PLXNC1: variants seen among roughly 807,000 people sequenced by gnomAD.
The protein encoded by PLXNC1 is plexin-C1.
In PLXNC1, 75 loss-of-function variants were observed where a neutral mutation model predicts 178.2. The ratio of observed to expected loss-of-function variants is 0.42; its 90% CI spans 0.35 to 0.51. PLXNC1 has a LOEUF of 0.51. PLXNC1 is among the 20% of genes least tolerant of loss of function. The pLI is 0.02. For missense variants in PLXNC1, 1,503 were observed against 1,984.4 expected (o/e 0.76, Z 4.61); for synonymous variants, 790 against 779.9 (o/e 1.01, Z -0.22).
chr12:94,297,764 T>G (rs1188105022), intron 26 of PLXNC1, among the ~76,000 whole-genome samples: 1 of 152,222 alleles, frequency 6.6e-6, no homozygotes, highest in East Asian at 1.9e-4. Context: ...GCAATAAAAC[T>G]CCCTTTTTGA....
intron 4 of PLXNC1, among the ~76,000 whole-genome samples, chr12:94,203,198 G>C (rs1370620395): frequency 6.6e-6 from 1 of 152,160 alleles, no homozygotes; most frequent in African/African-American, 2.4e-5. Context: ...GAGGATTATT[G>C]CTCATTAAAC....
At chr12:94,181,904 G>T (rs1248529452) in intron 3 of PLXNC1, among the ~76,000 whole-genome samples, 1 of 152,080 alleles carries the variant, frequency 6.6e-6, no homozygotes, top group Non-Finnish European at 1.5e-5. Context: ...GGCACTGAAC[G>T]GTTAGATGCA....
intron 14 of PLXNC1, among the ~76,000 whole-genome samples, chr12:94,248,713 T>C (rs957368539): frequency 3.9e-5 from 6 of 152,164 alleles, no homozygotes; most frequent in Non-Finnish European, 8.8e-5. Context: ...GCAAAATCTC[T>C]AGACCCATTG....
chr12:94,282,506 T>C, intron 23 of PLXNC1, 105 bp downstream of exon 23: 1 of 767,430 alleles, frequency 1.3e-6, no homozygotes, highest in Non-Finnish European at 2.2e-6. Context: ...CTGGAATGAC[T>C]TGCAGATCGA....
chr12:94,223,558 T>C (rs1235927016), intron 6 of PLXNC1, among the ~76,000 whole-genome samples: 1 of 152,240 alleles, frequency 6.6e-6, no homozygotes, highest in East Asian at 1.9e-4. Flanking sequence ...GGTTTGGGAA[T>C]CACTACCTTG....
intron 23 of PLXNC1, among the ~76,000 whole-genome samples, chr12:94,289,616 C>G (rs1967072296): frequency 6.6e-6 from 1 of 152,194 alleles, no homozygotes. Flanking sequence ...TCAGATGGAA[C>G]AAATGGCATC....
Position 94,181,534 on chromosome 12 carries a change from C to G in PLXNC1, c.1292C>G (p.Pro431Arg). 1 of 1,608,880 alleles carries G rather than the reference C, an allele frequency of 6.2e-7. No individual in the cohort carries two copies. The highest frequency in any genetic ancestry group is 8.5e-7 in the Non-Finnish European group (1 of 1,175,634). The change falls in exon 3 of 31, where the codon CCT becomes CGT. Residue 431 changes from proline to arginine, a missense_variant. Around this residue, in one of 4 missense-constraint regions of PLXNC1, gnomAD observed 615 missense variants for 698.6 expected, o/e 0.88. Coordinates refer to ENST00000258526, the MANE Select transcript of PLXNC1 (RefSeq NM_005761.3). ...EETPVFYKLV[P>R]DPVKNIYIYL... The stretch of plus-strand genomic sequence containing the variant: ...ACACCTGTTTTCTACAAACTCGTTC[C>G]TGATCCTGTGAAGAATATCTACATT...
chr12:94,256,805 A>G (rs1198170827), intron 17 of PLXNC1, among the ~76,000 whole-genome samples: 1 of 151,232 alleles, frequency 6.6e-6, no homozygotes, highest in Non-Finnish European at 1.5e-5. Flanking sequence ...AAGATAGAGT[A>G]ATGAATGTAA....
chr12:94,241,312 A>G (rs1475581551), intron 11 of PLXNC1, among the ~76,000 whole-genome samples: 31 of 152,140 alleles, frequency 2.0e-4, no homozygotes, highest in Admixed American at 1.8e-3. Context: ...AATCAGGGTA[A>G]TTGGAGTATC....
At chr12:94,168,607 T>G (rs752830003) in intron 1 of PLXNC1, among the ~76,000 whole-genome samples, 4 of 152,228 alleles carry the variant, frequency 2.6e-5, no homozygotes, top group Admixed American at 1.3e-4. Context: ...AACTGTATCT[T>G]TACCTTTTCA....
chr12:94,266,895 T>C lies in PLXNC1; in HGVS notation c.3597+1670T>C, dbSNP rs143711153. Among the ~76,000 whole-genome samples, 19 of 152,358 alleles carry C rather than the reference T, an allele frequency of 1.2e-4. No homozygotes were observed. In the East Asian group the frequency reaches 3.1e-3, roughly 25 times the overall value. On this transcript the variant is annotated intron_variant, in intron 21 of 30. Coordinates refer to ENST00000258526, the MANE Select transcript of PLXNC1 (RefSeq NM_005761.3). ...TAAAATGCAGGTGCAAATATACCAG[T>C]GCCCGGGCTTTCCCTCGGGACTGAC... is the stretch of plus-strand genomic sequence containing the variant.
chr12:94,204,452 A>G (rs1963235228), intron 4 of PLXNC1, among the ~76,000 whole-genome samples: 1 of 152,204 alleles, frequency 6.6e-6, no homozygotes, highest in African/African-American at 2.4e-5. Flanking sequence ...AAATCTTTTA[A>G]TTGTCTCTGT....
At chr12:94,187,587 A>G (rs1470574793) in intron 4 of PLXNC1, among the ~76,000 whole-genome samples, 3 of 152,228 alleles carry the variant, frequency 2.0e-5, no homozygotes, top group African/African-American at 7.2e-5. Flanking sequence ...AATGCTCATG[A>G]ATAATTCACT....
At chr12:94,263,077 G>T (rs1997201) in intron 20 of PLXNC1, among the ~76,000 whole-genome samples, 4,530 of 152,244 alleles carry the variant, frequency 0.03, 97 homozygotes, top group East Asian at 0.12. Flanking sequence ...GGCCCCTGGG[G>T]GAGGGGAATC....
chr12:94,272,034 T>A (rs1285951412), intron 21 of PLXNC1: 1 of 152,180 alleles, frequency 6.6e-6, no homozygotes, highest in Non-Finnish European at 1.5e-5. Context: ...TGATAACCTG[T>A]GAGAGGCTGA....
intron 17 of PLXNC1, among the ~76,000 whole-genome samples, chr12:94,255,579 A>G (rs910035692): frequency 6.6e-6 from 1 of 152,196 alleles, no homozygotes; most frequent in African/African-American, 2.4e-5. Flanking sequence ...TTTACTCTCA[A>G]TGTAGAACTG....
intron 3 of PLXNC1, among the ~76,000 whole-genome samples, chr12:94,184,082 G>T (rs1962420908): frequency 6.6e-6 from 1 of 151,650 alleles, no homozygotes; most frequent in Admixed American, 6.6e-5. Context: ...TAAATTAGAG[G>T]GCAGGTCTAA....
At chr12:94,191,707 C>A (rs1962730805) in intron 4 of PLXNC1, among the ~76,000 whole-genome samples, 1 of 151,144 alleles carries the variant, frequency 6.6e-6, no homozygotes, top group African/African-American at 2.4e-5. Flanking sequence ...TCACTTGAAC[C>A]CAGGAGACGG....
rs1377956780 is a variant in PLXNC1 at position 94,149,937 on chromosome 12, C to T, written c.966C>T (p.Ser322=). 3 of 1,587,124 alleles carry T rather than the reference C, an allele frequency of 1.9e-6. No homozygotes were observed. The highest frequency in any genetic ancestry group is 1.3e-5 in the African/African-American group (1 of 74,284). ...AAAGEGQERR[S]PTTTALCLFR... is the part of the protein sequence containing the mutation. ...CTGGAGAGGGCCAGGAGCGGCGCTC[C>T]CCCACCACCACGGCGCTCTGCCTCT... is the stretch of plus-strand genomic sequence containing the variant. Residue 322 remains serine (S), a synonymous_variant, in exon 1 of 31, where the codon TCC becomes TCT. Coordinates refer to ENST00000258526, the MANE Select transcript of PLXNC1 (RefSeq NM_005761.3).
Sources: allele counts gnomAD v4.1 joint callset (sites outside exome capture counted in the v4.1 genomes callset), GRCh38; gene constraint gnomAD v4.1.1; regional missense constraint gnomAD v4.1.1; transcripts MANE v1.5; gene names NCBI Gene and HGNC (gene_info 2026-07-23, HGNC 2026-07-21).